The following KCNQ5 variants were observed in gnomAD, a reference collection of about 807,000 sequenced individuals.
KCNQ5 encodes potassium voltage-gated channel subfamily Q member 5.
Under a neutral mutation model 98.2 loss-of-function variants are expected in KCNQ5, and 30 were observed. The ratio of observed to expected loss-of-function variants is 0.31; its 90% confidence interval spans 0.23 to 0.41. The LOEUF is 0.41. Among genes scored for constraint, KCNQ5 ranks in the 10% least tolerant of loss-of-function variants. KCNQ5 has a pLI of 1.00. For synonymous variants in KCNQ5, 458 were observed against 449.4 expected (o/e 1.02, Z -0.24); for missense variants, 835 against 1,182.5 (o/e 0.71, Z 4.31).
At chr6:73,139,287 T>C (rs908325185) in intron 10 of KCNQ5, among the ~76,000 whole-genome samples, 1 of 152,202 alleles carries the variant, frequency 6.6e-6, no homozygotes, top group African/African-American at 2.4e-5. Context: ...GGGACCGCCA[T>C]CATTGGCTGT....
chr6:72,739,177 T>C (rs1040882008), intron 1 of KCNQ5, among the ~76,000 whole-genome samples: 16 of 152,150 alleles, frequency 1.1e-4, no homozygotes, highest in Non-Finnish European at 1.5e-5. Context: ...CGCTATACTT[T>C]TGCTCAATTT....
chr6:72,814,474 T>C (rs1326524579), intron 1 of KCNQ5, among the ~76,000 whole-genome samples: 3 of 152,220 alleles, frequency 2.0e-5, no homozygotes, highest in Non-Finnish European at 4.4e-5. Context: ...TAAAATACTC[T>C]AGCTCACTCC....
chr6:73,045,125 A>G (rs537969166), intron 3 of KCNQ5, among the ~76,000 whole-genome samples: 21 of 152,170 alleles, frequency 1.4e-4, no homozygotes, highest in Non-Finnish European at 2.9e-4. Flanking sequence ...AGGTTTTAGC[A>G]TGTCCCCTTC....
chr6:72,716,633 A>G (rs147341681), intron 1 of KCNQ5, among the ~76,000 whole-genome samples: 119 of 152,316 alleles, frequency 7.8e-4, no homozygotes, highest in South Asian at 2.3e-3. Context: ...AGACTGGTTT[A>G]GTGACATATG....
intron 1 of KCNQ5, among the ~76,000 whole-genome samples, chr6:72,743,620 G>T (rs935792949): frequency 6.6e-6 from 1 of 152,070 alleles, no homozygotes; most frequent in African/African-American, 2.4e-5. Context: ...CTTACTATTA[G>T]GTCCATGCTT....
Position 73,195,132 on chromosome 6 carries a change from C to T in KCNQ5, c.2517C>T (p.Thr839=), listed in dbSNP as rs148860877. The T allele has an allele frequency of 2.6e-4, 412 of 1,614,138 alleles. 3 individuals are homozygous for T. In the African/African-American group the frequency reaches 4.9e-3, roughly 19 times the overall value. Residue 839 remains threonine (T), a synonymous_variant, in exon 14 of 14, where the codon ACC becomes ACT. Coordinates refer to ENST00000370398, the MANE Select transcript of KCNQ5 (RefSeq NM_019842.4). Reference sequence around the variant, plus strand: ...CTGTGCAAAACCTGATCAGGTCGACCGAGGAACTGAATATACAACTTTCAG... The same window carrying T: ...CTGTGCAAAACCTGATCAGGTCGACTGAGGAACTGAATATACAACTTTCAG... ...SLSVQNLIRS[T]EELNIQLSGS... is the part of the protein sequence containing the mutation.
intron 1 of KCNQ5, among the ~76,000 whole-genome samples, chr6:73,003,465 A>G (rs1235699860): frequency 2.0e-5 from 3 of 152,174 alleles, no homozygotes; most frequent in Non-Finnish European, 2.9e-5. Flanking sequence ...AGTAACAACC[A>G]ATTAGGACAC....
intron 1 of KCNQ5, among the ~76,000 whole-genome samples, chr6:72,911,569 C>T (rs1050509840): frequency 5.3e-5 from 8 of 152,072 alleles, no homozygotes; most frequent in African/African-American, 1.9e-4. Context: ...AGTAGTAAGA[C>T]CAATGCCTAG....
chr6:73,182,885 T>C (rs1778449450), intron 11 of KCNQ5, among the ~76,000 whole-genome samples: 1 of 152,068 alleles, frequency 6.6e-6, no homozygotes, highest in Non-Finnish European at 1.5e-5. Context: ...ACAAATGAGG[T>C]AAAGTAAGCA....
chr6:72,838,659 A>G (rs1376136243), intron 1 of KCNQ5, among the ~76,000 whole-genome samples: 1 of 152,170 alleles, frequency 6.6e-6, no homozygotes, highest in Admixed American at 6.5e-5. Flanking sequence ...CTGTTAGAAT[A>G]TGGAGCTGAG....
chr6:72,809,395 T>C (rs1775124445), intron 1 of KCNQ5, among the ~76,000 whole-genome samples: 2 of 151,402 alleles, frequency 1.3e-5, no homozygotes, highest in South Asian at 4.2e-4. Context: ...AGTATAATAA[T>C]AAAAAAAATA....
At chr6:72,794,668 A>G (rs950546972) in intron 1 of KCNQ5, among the ~76,000 whole-genome samples, 7 of 152,302 alleles carry the variant, frequency 4.6e-5, no homozygotes, top group Non-Finnish European at 8.8e-5. Context: ...TGCCCAGGTA[A>G]AGCTAAAGGT....
At chr6:72,880,933 G>C (rs1251391715) in intron 1 of KCNQ5, among the ~76,000 whole-genome samples, 1 of 152,138 alleles carries the variant, frequency 6.6e-6, no homozygotes, top group African/African-American at 2.4e-5. Flanking sequence ...CAAATACCAA[G>C]AGCAAAAACA....
chr6:73,175,476 G>C (rs1366025847), intron 11 of KCNQ5, among the ~76,000 whole-genome samples: 1 of 152,096 alleles, frequency 6.6e-6, no homozygotes, highest in Admixed American at 6.5e-5. Flanking sequence ...TTTCAACCAT[G>C]AAGAGCAATC....
chr6:72,913,407 C>T (rs148628235), intron 1 of KCNQ5, among the ~76,000 whole-genome samples: 137 of 152,134 alleles, frequency 9.0e-4, no homozygotes, highest in Non-Finnish European at 1.1e-3. Context: ...CAGTGGTTCC[C>T]ATTTGTATTC....
At chr6:72,875,789 A>G (rs1355372895) in intron 1 of KCNQ5, among the ~76,000 whole-genome samples, 2 of 152,078 alleles carry the variant, frequency 1.3e-5, no homozygotes, top group Non-Finnish European at 2.9e-5. Flanking sequence ...GAATAATATT[A>G]TCATCACTAA....
chr6:72,986,520 G>T, intron 1 of KCNQ5: 1 of 556,222 alleles, frequency 1.8e-6, no homozygotes. Flanking sequence ...TAAGAGTGTG[G>T]TCCATGGGAA....
At chr6:72,868,014 A>G (rs1778061491) in intron 1 of KCNQ5, among the ~76,000 whole-genome samples, 1 of 152,102 alleles carries the variant, frequency 6.6e-6, no homozygotes. Flanking sequence ...GTGGAAAAGC[A>G]ATTTAGACCT....
intron 1 of KCNQ5, among the ~76,000 whole-genome samples, chr6:72,791,204 A>G (rs1774021002): frequency 6.6e-6 from 1 of 152,188 alleles, no homozygotes; most frequent in East Asian, 1.9e-4. Flanking sequence ...TGCCTGAGAC[A>G]GCAGCTATGC....
Sources: gnomAD v4.1 joint callset for allele counts (sites outside exome capture counted in the v4.1 genomes callset) on GRCh38, gnomAD v4.1.1 for gene constraint, MANE v1.5 for transcripts, NCBI Gene and HGNC (gene_info 2026-07-23, HGNC 2026-07-21) for gene names.